Variants in SPSB4 observed in about 807,000 individuals in gnomAD.
The protein encoded by SPSB4 is splA/ryanodine receptor domain and SOCS box containing 4, also known as SPRY domain-containing SOCS box protein 4.
Under a neutral mutation model 20.9 loss-of-function variants are expected in SPSB4, and 21 were observed. The ratio of observed to expected loss-of-function variants is 1.01; its 90% CI spans 0.71 to 1.45. The LOEUF is 1.45. Ranked by LOEUF, SPSB4 falls within the 40% of genes most tolerant of loss-of-function variation. SPSB4 has a pLI of 0.00. For synonymous variants in SPSB4, 207 were observed against 183.8 expected (o/e 1.13, Z -1.02); for missense variants, 399 against 399.2 (o/e 1.00, Z 0.00).
chr3:141,119,484 C>T (rs371775240), intron 2 of SPSB4, among the ~76,000 whole-genome samples: 11 of 152,198 alleles, frequency 7.2e-5, no homozygotes, highest in African/African-American at 2.7e-4. Context: ...CCCTTTATTT[C>T]TTTCTCTTGC....
chr3:141,137,911 A>G (rs967235725), intron 2 of SPSB4, among the ~76,000 whole-genome samples: 3 of 152,166 alleles, frequency 2.0e-5, no homozygotes, highest in Non-Finnish European at 2.9e-5. Context: ...AAGGAATGGT[A>G]CCAGCTCCTC....
intron 2 of SPSB4, among the ~76,000 whole-genome samples, chr3:141,085,583 T>G (rs1346793801): frequency 6.6e-6 from 1 of 152,268 alleles, no homozygotes; most frequent in Non-Finnish European, 1.5e-5. Flanking sequence ...CTTCTGTGCA[T>G]AGCCCAATGG....
chr3:141,119,714 A>G (rs1938933708), intron 2 of SPSB4, among the ~76,000 whole-genome samples: 1 of 152,168 alleles, frequency 6.6e-6, no homozygotes, highest in Non-Finnish European at 1.5e-5. Context: ...TGTTTATAGT[A>G]TTCTCTGATG....
Position 141,147,889 on chromosome 3 carries a change from T to G in SPSB4, c.*620T>G, listed in dbSNP as rs1465988136. The G allele has an allele frequency of 2.6e-5, 4 of 153,066 alleles. No individual in the cohort carries two copies. The highest frequency in any genetic ancestry group is 5.8e-5 in the Non-Finnish European group (4 of 68,404). 9.5% of individuals were successfully genotyped at this position (153,066 alleles called of 1,614,324 possible). ...CCTTCCGGCTTACCTCTTTGAACGTTGTTTACCTACCCCTTTCCACGTGCT... is the reference window on the plus strand; with the variant it reads ...CCTTCCGGCTTACCTCTTTGAACGTGGTTTACCTACCCCTTTCCACGTGCT... On this transcript the variant is annotated 3_prime_UTR_variant, in exon 3 of 3. Coordinates refer to ENST00000310546, the MANE Select transcript of SPSB4 (RefSeq NM_080862.3).
intron 2 of SPSB4, chr3:141,132,254 G>A (rs1003123419): frequency 3.2e-5 from 13 of 410,522 alleles, no homozygotes; most frequent in Admixed American, 8.5e-5. Flanking sequence ...TGCAACCTCC[G>A]CCTCCCGGGT....
intron 2 of SPSB4, among the ~76,000 whole-genome samples, chr3:141,124,457 A>G (rs1159342711): frequency 3.3e-5 from 5 of 152,134 alleles, no homozygotes; most frequent in African/African-American, 1.2e-4. Context: ...GATGAGAACC[A>G]CTCACAGGCC....
intron 2 of SPSB4, among the ~76,000 whole-genome samples, chr3:141,137,163 A>G (rs904140227): frequency 6.6e-6 from 1 of 152,178 alleles, no homozygotes; most frequent in Non-Finnish European, 1.5e-5. Context: ...GTGTATAAGA[A>G]TGCTTGTGAT....
chr3:141,095,332 CTG>C (rs1938529657), intron 2 of SPSB4, among the ~76,000 whole-genome samples: 2 of 152,142 alleles, frequency 1.3e-5, no homozygotes, highest in African/African-American at 4.8e-5. Flanking sequence ...GCTGTGTCCT[CTG>C]TATTGTTTGG....
chr3:141,055,477 C>T (rs1937621415), intron 1 of SPSB4, among the ~76,000 whole-genome samples: 1 of 152,078 alleles, frequency 6.6e-6, no homozygotes, highest in African/African-American at 2.4e-5. Flanking sequence ...GGTGCAGCTT[C>T]TCTCTGGAGA....
At chr3:141,135,991 C>T (rs111277903) in intron 2 of SPSB4, among the ~76,000 whole-genome samples, 1 of 152,010 alleles carries the variant, frequency 6.6e-6, no homozygotes, top group Non-Finnish European at 1.5e-5. Context: ...TCTCCACATC[C>T]TCTCCAGCAC....
At chr3:141,124,992 A>G (rs1388563976) in intron 2 of SPSB4, among the ~76,000 whole-genome samples, 1 of 152,172 alleles carries the variant, frequency 6.6e-6, no homozygotes, top group Non-Finnish European at 1.5e-5. Flanking sequence ...CCCAGACAAG[A>G]ATCGGGCAGA....
chr3:141,054,568 C>G (rs2107773306), intron 1 of SPSB4, among the ~76,000 whole-genome samples: 1 of 152,240 alleles, frequency 6.6e-6, no homozygotes, highest in South Asian at 2.1e-4. Flanking sequence ...GGTGGTATAC[C>G]TCAAACCAGT....
intron 2 of SPSB4, among the ~76,000 whole-genome samples, chr3:141,070,555 T>C (rs1336387935): frequency 6.6e-6 from 1 of 152,118 alleles, no homozygotes; most frequent in Non-Finnish European, 1.5e-5. Flanking sequence ...AAAAAAATTT[T>C]TTTTGTAGAG....
At chr3:141,102,511 G>C (rs1176819803) in intron 2 of SPSB4, among the ~76,000 whole-genome samples, 1 of 152,078 alleles carries the variant, frequency 6.6e-6, no homozygotes, top group Non-Finnish European at 1.5e-5. Context: ...TAACAAGTGA[G>C]GTGCCTGTTT....
chr3:141,081,105 G>A (rs1938220495), intron 2 of SPSB4, among the ~76,000 whole-genome samples: 1 of 152,220 alleles, frequency 6.6e-6, no homozygotes, highest in Admixed American at 6.5e-5. Context: ...TTTTTTGGAT[G>A]ACAAACACTT....
At chr3:141,124,413 G>A (rs1421883475) in intron 2 of SPSB4, among the ~76,000 whole-genome samples, 4 of 152,162 alleles carry the variant, frequency 2.6e-5, no homozygotes, top group Non-Finnish European at 4.4e-5. Context: ...AACCAGGATC[G>A]TCTCATAAAA....
rs549498407 is a variant in SPSB4 at position 141,082,930 on chromosome 3, TG to T, written c.694+16133del. On this transcript the variant is annotated intron_variant, in intron 2 of 2. Coordinates refer to ENST00000310546, the MANE Select transcript of SPSB4 (RefSeq NM_080862.3). ...CGCTCTACGCCATCCCTGCTTTCTT[TG>T]TTTGGCCTCAGCGTGGTGATCTGGG... Among the ~76,000 whole-genome samples the T allele has an allele frequency of 2.4e-3, 260 of 107,826 alleles. 1 individual carries two copies. Among genetic ancestry groups the T allele is most frequent in the African/African-American group, 0.01 (252 of 24,036 alleles). 70.7% of individuals were successfully genotyped at this position (107,826 alleles called of 152,430 possible).
intron 2 of SPSB4, among the ~76,000 whole-genome samples, chr3:141,120,477 T>A (rs1938949766): frequency 6.6e-6 from 1 of 152,214 alleles, no homozygotes; most frequent in Admixed American, 6.5e-5. Flanking sequence ...GTTAACCTTC[T>A]GTCTTGCTGA....
intron 2 of SPSB4, among the ~76,000 whole-genome samples, chr3:141,145,225 T>TAAA (rs573940987): frequency 8.5e-4 from 122 of 142,764 alleles, no homozygotes; most frequent in Non-Finnish European, 2.6e-4. Flanking sequence ...TACAAAAAAT[T>TAAA]AAAAAAAAAA....
Sources: allele counts gnomAD v4.1 joint callset (sites outside exome capture counted in the v4.1 genomes callset), GRCh38; gene constraint gnomAD v4.1.1; transcripts MANE v1.5; gene names NCBI Gene and HGNC (gene_info 2026-07-23, HGNC 2026-07-21).